SPRED2: variants seen among roughly 807,000 people sequenced by gnomAD.
The protein encoded by SPRED2 is sprouty related EVH1 domain containing 2.
A neutral mutation model predicts 43.0 loss-of-function variants in SPRED2; 47 were observed. The observed-to-expected ratio is 1.09, with a 90% CI of 0.87 to 1.40. The LOEUF (loss-of-function observed/expected upper bound fraction) is 1.40. Ranked by LOEUF, SPRED2 falls within the 40% of genes most tolerant of loss-of-function variation. The probability of loss-of-function intolerance (pLI) is 0.00; values close to 1 mark genes in which losing one functional copy is unlikely to be tolerated. For synonymous variants in SPRED2, 225 were observed against 225.7 expected, an observed-to-expected ratio of 1.00 and a Z score of 0.03; for missense variants, 561 against 586.4, an observed-to-expected ratio of 0.96 and a Z score of 0.45.
At chr2:65,368,119 G>A (rs753173657) in intron 1 of SPRED2, among the ~76,000 whole-genome samples, 1 of 152,206 alleles carries the variant, frequency 6.6e-6, no homozygotes, top group Non-Finnish European at 1.5e-5. Context: ...CAGAGCTCCT[G>A]CATGGCCCCC....
intron 1 of SPRED2, among the ~76,000 whole-genome samples, chr2:65,357,411 C>T (rs1347147437): frequency 1.3e-5 from 2 of 152,156 alleles, no homozygotes; most frequent in African/African-American, 4.8e-5. Flanking sequence ...TGGAAACCGT[C>T]TATGCTAGAC....
chr2:65,399,218 G>A (rs1418219135), intron 1 of SPRED2, among the ~76,000 whole-genome samples: 2 of 148,080 alleles, frequency 1.4e-5, no homozygotes, highest in African/African-American at 2.5e-5. Context: ...GCGGTGAGCC[G>A]AGATCACGCC....
intron 1 of SPRED2, among the ~76,000 whole-genome samples, chr2:65,430,339 T>A (rs529080865): frequency 1.3e-5 from 2 of 152,302 alleles, no homozygotes; most frequent in East Asian, 3.9e-4. Flanking sequence ...TCCTCTCCTG[T>A]GACGGCTGTC....
Position 65,313,921 on chromosome 2 carries a change from G to A in SPRED2, c.837C>T (p.Asp279=). The A allele has an allele frequency of 6.2e-7, 1 of 1,610,986 alleles. No homozygotes were observed. The highest frequency in any genetic ancestry group is 8.5e-7 in the Non-Finnish European group (1 of 1,179,996). The part of the protein sequence containing the change: ...VDSSDFGLGE[D]PKGRGGSVIK... ...TCACGCTGCCCCCGCGGCCTTTGGG[G>A]TCCTCGCCTAGGCCAAAGTCTGAGG... is the stretch of plus-strand genomic sequence containing the variant. Residue 279 remains aspartate, a synonymous_variant, in exon 6 of 6, where the codon GAC becomes GAT. Coordinates refer to ENST00000356388, the MANE Select transcript of SPRED2 (RefSeq NM_181784.3).
intron 1 of SPRED2, among the ~76,000 whole-genome samples, chr2:65,397,882 A>C (rs1675795081): frequency 6.6e-6 from 1 of 152,190 alleles, no homozygotes; most frequent in South Asian, 2.1e-4. Flanking sequence ...GAACTAGAAA[A>C]AAAAATCCTA....
intron 1 of SPRED2, among the ~76,000 whole-genome samples, chr2:65,428,522 A>G (rs1676606621): frequency 6.6e-6 from 1 of 152,236 alleles, no homozygotes; most frequent in Non-Finnish European, 1.5e-5. Context: ...GTTTCACAGA[A>G]CAGTATTTTT....
intron 1 of SPRED2, among the ~76,000 whole-genome samples, chr2:65,394,243 A>G (rs1030025671): frequency 2.0e-5 from 3 of 152,228 alleles, no homozygotes; most frequent in Non-Finnish European, 4.4e-5. Flanking sequence ...ACAACTATGC[A>G]ATTACACATC....
At chr2:65,322,295 T>TA (rs1491266235) in intron 4 of SPRED2, among the ~76,000 whole-genome samples, 772 of 44,668 alleles carry the variant, frequency 0.017, 17 homozygotes, top group East Asian at 0.13. Flanking sequence ...TATATATATA[T>TA]TTTTTTTTTT....
chr2:65,393,069 T>C (rs1467352217), intron 1 of SPRED2, among the ~76,000 whole-genome samples: 2 of 152,248 alleles, frequency 1.3e-5, no homozygotes, highest in Non-Finnish European at 2.9e-5. Flanking sequence ...CTATTTTTCT[T>C]ACAAAAAGTT....
At chr2:65,318,069 A>T (rs1673297125) in intron 4 of SPRED2, among the ~76,000 whole-genome samples, 1 of 152,136 alleles carries the variant, frequency 6.6e-6, no homozygotes, top group Non-Finnish European at 1.5e-5. Context: ...TAAGTGAATC[A>T]TTGGGGCAAG....
At chr2:65,425,804 T>C (rs532076207) in intron 1 of SPRED2, among the ~76,000 whole-genome samples, 1 of 152,256 alleles carries the variant, frequency 6.6e-6, no homozygotes, top group Non-Finnish European at 1.5e-5. Context: ...GAATAAGTTA[T>C]CAAGTTTATT....
At chr2:65,421,090 C>T (rs1416864526) in intron 1 of SPRED2, among the ~76,000 whole-genome samples, 3 of 152,196 alleles carry the variant, frequency 2.0e-5, no homozygotes, top group East Asian at 3.8e-4. Flanking sequence ...TGGGACTTCA[C>T]ATTTCTTTTT....
chr2:65,367,139 G>A (rs1381643023), intron 1 of SPRED2, among the ~76,000 whole-genome samples: 1 of 152,102 alleles, frequency 6.6e-6, no homozygotes, highest in Non-Finnish European at 1.5e-5. Context: ...GTTGATTCTT[G>A]TGCTGTGAGG....
rs550597875 is a variant in SPRED2, at chr2:65,431,135, C to T, written c.26+827G>A. On this transcript the variant is annotated intron_variant, in intron 1 of 5. Transcript: ENST00000356388. Reference sequence around the variant, plus strand: ...GCGGGGCGGCCCAGGATCCCTCCGGCGGAGCGCCCCGAGCATTGTTCCCCT... The same window carrying T: ...GCGGGGCGGCCCAGGATCCCTCCGGTGGAGCGCCCCGAGCATTGTTCCCCT... 5.3e-5 allele frequency among the ~76,000 whole-genome samples: 8 copies of T among 151,852 alleles called. No homozygotes were observed. The East Asian group carries it at 1.4e-3, about 26-fold the overall frequency.
chr2:65,308,066 C>G (rs565693393), downstream of SPRED2, among the ~76,000 whole-genome samples: 1 of 151,672 alleles, frequency 6.6e-6, no homozygotes, highest in African/African-American at 2.4e-5. Flanking sequence ...AATACTTTTT[C>G]CCCTGGGAAG....
intron 1 of SPRED2, among the ~76,000 whole-genome samples, chr2:65,367,336 A>G (rs1368817779): frequency 6.6e-6 from 1 of 152,196 alleles, no homozygotes; most frequent in African/African-American, 2.4e-5. Context: ...CAAAAAATAA[A>G]TAAGGGACGG....
At chr2:65,382,565 T>G (rs1003645060) in intron 1 of SPRED2, among the ~76,000 whole-genome samples, 2 of 152,140 alleles carry the variant, frequency 1.3e-5, no homozygotes, top group Non-Finnish European at 2.9e-5. Context: ...CCCATAGAAA[T>G]GGAAACTGAG....
chr2:65,364,049 T>C (rs1272465897), intron 1 of SPRED2, among the ~76,000 whole-genome samples: 1 of 152,188 alleles, frequency 6.6e-6, no homozygotes, highest in African/African-American at 2.4e-5. Flanking sequence ...TCAGAAGACA[T>C]GGCCACCAAA....
At chr2:65,364,566 A>G (rs113415576) in intron 1 of SPRED2, among the ~76,000 whole-genome samples, 34 of 152,318 alleles carry the variant, frequency 2.2e-4, no homozygotes, top group Non-Finnish European at 3.2e-4. Flanking sequence ...TCATTGTCCA[A>G]TTTCAATGGT....
Sources: gnomAD v4.1 joint callset for allele counts (sites outside exome capture counted in the v4.1 genomes callset) on GRCh38, gnomAD v4.1.1 for gene constraint, MANE v1.5 for transcripts, NCBI Gene and HGNC (gene_info 2026-07-23, HGNC 2026-07-21) for gene names.